PAX2: variants seen among roughly 807,000 people sequenced by gnomAD.
PAX2 encodes the protein paired box 2, also known as paired box protein Pax-2.
PAX2 carries 9 observed loss-of-function variants against 41.7 expected under a neutral mutation model. The ratio of observed to expected loss-of-function variants is 0.22; its 90% CI spans 0.13 to 0.38. The LOEUF is 0.38. PAX2 is among the 10% of genes least tolerant of loss of function. The probability of loss-of-function intolerance (pLI) is 1.00; values close to 1 mark genes in which losing one functional copy is unlikely to be tolerated. For synonymous variants in PAX2, 221 were observed against 212.7 expected (o/e 1.04, Z -0.34); for missense variants, 418 against 531.6 (o/e 0.79, Z 2.10).
rs1486055124 is a variant in PAX2 at position 100,827,828 on chromosome 10, C to T, written c.*209C>T. ...GACGGGTGGAGCCGTGGGCGGGACC[C>T]TCAGGCCCGGGCCCGCCGCCCCCAG... On this transcript the variant is annotated 3_prime_UTR_variant, in exon 10 of 10. Coordinates refer to ENST00000355243, the MANE Select transcript of PAX2 (RefSeq NM_000278.5). The surrounding 1 kb of genome is among the most constrained non-coding windows in gnomAD (Gnocchi z 8.5). 1.4e-6 allele frequency: 1 copy of T among 710,738 alleles called. No homozygotes were observed. Among genetic ancestry groups the T allele is most frequent in the Non-Finnish European group, 2.3e-6 (1 of 435,990 alleles). 44.0% of individuals were successfully genotyped at this position (710,738 alleles called of 1,614,324 possible).
chr10:100,751,114 T>C (rs986045931), intron 3 of PAX2, among the ~76,000 whole-genome samples: 3 of 152,030 alleles, frequency 2.0e-5, no homozygotes, highest in African/African-American at 7.2e-5. Context: ...GCCAGGCTTC[T>C]CCCGCCGGCG....
rs1331824276 is a variant in PAX2 at position 100,806,589 on chromosome 10, A to G, written c.776A>G (p.His259Arg). 1.9e-6 allele frequency: 3 copies of G among 1,613,954 alleles called. No homozygotes were observed. The highest frequency in any genetic ancestry group is 1.3e-5 in the African/African-American group (1 of 74,942). The part of the protein sequence containing the change: ...SYPDVFQASE[H>R]IKSEQGNEYS... ...CCTGACGTCTTCCAGGCATCAGAGC[A>G]CATCAAATCAGAACAGGTGAGGAGG... is the stretch of plus-strand genomic sequence containing the variant. The change falls in exon 6 of 10, where the codon CAC becomes CGC. Residue 259 changes from histidine (H) to arginine (R), a missense_variant. By Grantham distance (29) the His-to-Arg change is conservative. This residue lies in a region of PAX2 where 310 missense variants were observed against 325.2 expected (regional missense o/e 0.95). Coordinates refer to ENST00000355243, the MANE Select transcript of PAX2 (RefSeq NM_000278.5).
At chr10:100,778,664 A>G (rs1229827563) in intron 3 of PAX2, among the ~76,000 whole-genome samples, 1 of 152,132 alleles carries the variant, frequency 6.6e-6, no homozygotes, top group Non-Finnish European at 1.5e-5. Context: ...GGTCTTTGGC[A>G]TCATTGAGCC....
intron 3 of PAX2, among the ~76,000 whole-genome samples, chr10:100,764,513 T>C (rs1374217589): frequency 6.6e-6 from 1 of 152,192 alleles, no homozygotes; most frequent in Admixed American, 6.5e-5. Flanking sequence ...GTATCATGAA[T>C]GCCAGTGAGA....
chr10:100,749,548 A>C, intron 1 of PAX2, 198 bp from the exon 2 acceptor site: 1 of 1,367,806 alleles, frequency 7.3e-7, no homozygotes, highest in East Asian at 2.8e-5. Context: ...CCCAGCCCCC[A>C]GTCTTCAGCC....
intron 1 of PAX2, among the ~76,000 whole-genome samples, chr10:100,739,546 G>A (rs909446763): frequency 4.0e-5 from 6 of 151,894 alleles, no homozygotes; most frequent in African/African-American, 1.5e-4. Context: ...TGCCCAGCGC[G>A]GCCCGGTCGC....
chr10:100,788,528 G>A (rs780891650), intron 5 of PAX2, among the ~76,000 whole-genome samples: 2 of 152,322 alleles, frequency 1.3e-5, no homozygotes, highest in African/African-American at 2.4e-5. Flanking sequence ...CGGTGGGTGA[G>A]CGCTCCTTGG....
chr10:100,747,712 A>G, intron 1 of PAX2: 3 of 984,742 alleles, frequency 3.0e-6, no homozygotes, highest in Non-Finnish European at 3.6e-6. Flanking sequence ...ATATTTTTCT[A>G]AGTAATTTCC....
At chr10:100,800,421 G>A (rs893605534) in intron 5 of PAX2, among the ~76,000 whole-genome samples, 4 of 151,654 alleles carry the variant, frequency 2.6e-5, no homozygotes, top group African/African-American at 9.7e-5. Context: ...TGAGCCACAG[G>A]TGCATACAAC....
At chr10:100,751,202 A>T (rs866880175) in intron 3 of PAX2, among the ~76,000 whole-genome samples, 1 of 152,314 alleles carries the variant, frequency 6.6e-6, no homozygotes, top group Non-Finnish European at 1.5e-5. Context: ...TCTTGAGACA[A>T]TCACAGCCTG....
intron 5 of PAX2, among the ~76,000 whole-genome samples, chr10:100,792,537 A>G (rs1015940408): frequency 3.9e-5 from 6 of 152,250 alleles, no homozygotes; most frequent in Non-Finnish European, 7.3e-5. Flanking sequence ...GAACTGAGAC[A>G]GAAGAGGATG....
chr10:100,808,704 G>T (rs1351074186), intron 6 of PAX2, among the ~76,000 whole-genome samples: 1 of 152,116 alleles, frequency 6.6e-6, no homozygotes, highest in Non-Finnish European at 1.5e-5. Context: ...CAGGCTGAAG[G>T]CCCCACTAGG....
intron 7 of PAX2, among the ~76,000 whole-genome samples, chr10:100,814,571 TC>T (rs1848123394): frequency 6.6e-6 from 1 of 152,182 alleles, no homozygotes; most frequent in Non-Finnish European, 1.5e-5. Flanking sequence ...TAGAGCCTGT[TC>T]CAGGCTTGTC....
At chr10:100,759,498 G>A (rs1373617252) in intron 3 of PAX2, among the ~76,000 whole-genome samples, 1 of 152,172 alleles carries the variant, frequency 6.6e-6, no homozygotes, top group African/African-American at 2.4e-5. Flanking sequence ...AGGGAGGCAG[G>A]CCCCTGCCTG....
At chr10:100,814,374 A>C (rs987346594) in intron 7 of PAX2, among the ~76,000 whole-genome samples, 4 of 150,820 alleles carry the variant, frequency 2.7e-5, no homozygotes, top group African/African-American at 9.7e-5. Flanking sequence ...AAAAAAAAAA[A>C]GATCAAAGGA....
intron 4 of PAX2, 82 bp downstream of exon 4, chr10:100,779,665 C>A: frequency 8.8e-7 from 1 of 1,137,660 alleles, no homozygotes; most frequent in Non-Finnish European, 1.3e-6. Context: ...TGGGAACTGC[C>A]TGCCCGCTTG....
At chr10:100,749,420 C>T in intron 1 of PAX2, 1 of 1,174,898 alleles carries the variant, frequency 8.5e-7, no homozygotes, top group Non-Finnish European at 1.1e-6. Context: ...GCCCTTTCCG[C>T]TGGCATGAAT....
intron 3 of PAX2, among the ~76,000 whole-genome samples, chr10:100,759,973 G>A (rs1326421120): frequency 2.0e-5 from 3 of 152,170 alleles, no homozygotes; most frequent in African/African-American, 7.2e-5. Flanking sequence ...CTTCTGGCCT[G>A]CAGGACATGG....
chr10:100,759,417 G>A (rs1279794089), intron 3 of PAX2, among the ~76,000 whole-genome samples: 1 of 152,228 alleles, frequency 6.6e-6, no homozygotes, highest in African/African-American at 2.4e-5. Context: ...AGGCTGTGAG[G>A]CAGGCCAGCA....
Sources: allele counts gnomAD v4.1 joint callset (sites outside exome capture counted in the v4.1 genomes callset), GRCh38; gene constraint gnomAD v4.1.1; regional missense constraint gnomAD v4.1.1; non-coding constraint Gnocchi (gnomAD v3.1); transcripts MANE v1.5; gene names NCBI Gene and HGNC (gene_info 2026-07-23, HGNC 2026-07-21).